HERC1: variants seen among roughly 807,000 people sequenced by gnomAD.
The protein encoded by HERC1 is HECT and RLD domain containing E3 ubiquitin protein ligase family member 1, also known as probable E3 ubiquitin-protein ligase HERC1.
In HERC1, 160 loss-of-function variants were observed where a neutral mutation model predicts 554.3. The ratio of observed to expected loss-of-function variants is 0.29; its 90% CI spans 0.25 to 0.33. The LOEUF (loss-of-function observed/expected upper bound fraction) is 0.33. HERC1 is among the 10% of genes least tolerant of loss of function. The pLI is 1.00. For synonymous variants in HERC1, 2,175 were observed against 2,131.7 expected (o/e 1.02, Z -0.56); for missense variants, 4,919 against 5,918.5 (o/e 0.83, Z 5.54).
intron 1 of HERC1, among the ~76,000 whole-genome samples, chr15:63,785,887 T>C (rs2076424509): frequency 6.6e-6 from 1 of 152,154 alleles, no homozygotes; most frequent in Admixed American, 6.6e-5. Flanking sequence ...TTTTCTTTTT[T>C]AGAGACAGAG....
At chr15:63,732,819 T>G in intron 14 of HERC1, 105 bp downstream of exon 14, 1 of 736,404 alleles carries the variant, frequency 1.4e-6, no homozygotes, top group East Asian at 2.7e-5. Context: ...GGGAGAGGGG[T>G]CTAGAGTTTG....
intron 19 of HERC1, 117 bp downstream of exon 19, chr15:63,723,063 ATC>A (rs1402204103): frequency 2.1e-5 from 12 of 573,670 alleles, no homozygotes; most frequent in African/African-American, 1.2e-4. Context: ...TTAATAAAAT[ATC>A]TTTTTCTATT....
rs547147985 is a variant in HERC1 at position 63,760,290 on chromosome 15, A to T, written c.1027-1921T>A. ...AAAAAGCCATCTTAAATCCCAACTC[A>T]TTCTAAGAGTTCAGGAAAACTAATC... On this transcript the variant is annotated intron_variant, in intron 3 of 77. Coordinates refer to ENST00000443617, the MANE Select transcript of HERC1 (RefSeq NM_003922.4). Among the ~76,000 whole-genome samples the T allele has an allele frequency of 4.6e-5, 7 of 152,260 alleles. No individual in the cohort carries two copies. The East Asian group carries it at 1.4e-3, about 29-fold the overall frequency.
At chr15:63,645,186 G>C in intron 56 of HERC1, 89 bp from the exon 57 acceptor site, 6 of 947,582 alleles carry the variant, frequency 6.3e-6, no homozygotes, top group Non-Finnish European at 1.0e-5. Context: ...AGATCTGATA[G>C]AACCACTGCA....
intron 12 of HERC1, among the ~76,000 whole-genome samples, chr15:63,745,057 GC>G (rs915737222): frequency 1.3e-5 from 2 of 152,194 alleles, no homozygotes; most frequent in African/African-American, 4.8e-5. Flanking sequence ...CTGAGAGCTG[GC>G]ATCTGGAACA....
intron 37 of HERC1, among the ~76,000 whole-genome samples, chr15:63,676,692 G>T (rs1595949648): frequency 6.6e-6 from 1 of 152,302 alleles, no homozygotes; most frequent in East Asian, 1.9e-4. Context: ...GGAGGCAGAA[G>T]TTGCAGTGAG....
At chr15:63,698,650 T>C (rs2072560190) in intron 26 of HERC1, 78 bp downstream of exon 26, 1 of 1,398,614 alleles carries the variant, frequency 7.1e-7, no homozygotes, top group Admixed American at 2.6e-5. Context: ...AAGGAAAGGT[T>C]TTCCCTAGAA....
At chr15:63,634,664 T>G in intron 66 of HERC1, 69 bp downstream of exon 66, 1 of 1,312,428 alleles carries the variant, frequency 7.6e-7, no homozygotes, top group Admixed American at 2.0e-5. Context: ...TTCCTGAGGG[T>G]GTCTAAGCGA....
chr15:63,771,156 T>A (rs935671799), intron 2 of HERC1, among the ~76,000 whole-genome samples: 1 of 150,812 alleles, frequency 6.6e-6, no homozygotes, highest in East Asian at 2.0e-4. Context: ...ACCATTGCAC[T>A]CCAGCCTGGG....
At chr15:63,811,120 C>A (rs1334711869) in intron 1 of HERC1, among the ~76,000 whole-genome samples, 2 of 151,784 alleles carry the variant, frequency 1.3e-5, no homozygotes, top group Non-Finnish European at 2.9e-5. Context: ...CCGAAAAAAA[C>A]AAAAAGCAAC....
intron 10 of HERC1, among the ~76,000 whole-genome samples, chr15:63,748,814 C>A (rs2075145088): frequency 6.6e-6 from 1 of 152,054 alleles, no homozygotes. Flanking sequence ...TCTGAAATAA[C>A]CCAAACATTC....
chr15:63,722,250 A>G (rs993829804), intron 19 of HERC1, among the ~76,000 whole-genome samples: 1 of 152,226 alleles, frequency 6.6e-6, no homozygotes, highest in Non-Finnish European at 1.5e-5. Context: ...ACTTAATAGT[A>G]TATCTTATCT....
At chr15:63,668,520 C>G (rs975045874) in intron 40 of HERC1, among the ~76,000 whole-genome samples, 7 of 152,126 alleles carry the variant, frequency 4.6e-5, no homozygotes, top group African/African-American at 1.7e-4. Context: ...CAAGACCTAA[C>G]TACTACAACA....
chr15:63,620,007 G>C (rs888211433), intron 74 of HERC1, among the ~76,000 whole-genome samples: 6 of 152,102 alleles, frequency 3.9e-5, no homozygotes, highest in Admixed American at 3.3e-4. Context: ...GTTCTGCTCT[G>C]ATCTTAGTTA....
At position 63,714,545 on chromosome 15, in the gene HERC1, G is replaced by GTTTT. The variant is rs773905620; in HGVS notation, c.4151-884_4151-881dup. On this transcript the variant is annotated intron_variant, in intron 22 of 77. Transcript: ENST00000443617. ...GTATTCTTCTTTTTTTCCTTTTTCTGTTTTTTTTTTTTTTTTTTTTTGGAG... is the reference window on the plus strand; with the variant it reads ...GTATTCTTCTTTTTTTCCTTTTTCTGTTTTTTTTTTTTTTTTTTTTTTTTTGGAG... Among the ~76,000 whole-genome samples the GTTTT allele has an allele frequency of 1.3e-3, 121 of 95,790 alleles. 4 individuals carry two copies. Among genetic ancestry groups the GTTTT allele is most frequent in the African/African-American group, 3.3e-3 (85 of 25,508 alleles). 62.8% of individuals were successfully genotyped at this position (95,790 alleles called of 152,430 possible).
rs2076072684 is a variant in HERC1, at chr15:63,774,889, T to C, written c.735A>G (p.Arg245=). The C allele has an allele frequency of 6.2e-7, 1 of 1,613,902 alleles. No homozygotes were observed. The highest frequency in any genetic ancestry group is 1.3e-5 in the African/African-American group (1 of 74,934). The change falls in exon 2 of 78, where the codon AGA becomes AGG. Residue 245 remains arginine (R), a synonymous_variant. Coordinates refer to ENST00000443617, the MANE Select transcript of HERC1 (RefSeq NM_003922.4). ...AACCAAGCAGCAACTCAGAAGCTAA[T>C]CTACGACCTAAAGTGTCTGCCCCAG... is the stretch of plus-strand genomic sequence containing the variant. ...PNSGADTLGR[R]LASELLLGLA...
chr15:63,764,169 T>C lies in HERC1; in HGVS notation c.953A>G (p.Gln318Arg). ...RSLGSSADRS[Q>R]WREPTRTSDG... ...CGATGTTCTGGTTGGTTCTCTCCAC[T>C]GACTCCGATCAGCAGATGAACCCTA... Residue 318 changes from glutamine (Q) to arginine (R), a missense_variant, in exon 3 of 78, where the codon CAG becomes CGG. This residue lies in a region of HERC1 where 744 missense variants were observed against 1,090.0 expected (regional missense o/e 0.68). Transcript: ENST00000443617. 1 of 1,610,256 alleles carries C rather than the reference T, an allele frequency of 6.2e-7. No individual in the cohort carries two copies.
chr15:63,683,902 T>G (rs550460621), intron 34 of HERC1, among the ~76,000 whole-genome samples: 5 of 152,356 alleles, frequency 3.3e-5, no homozygotes, highest in Middle Eastern at 3.4e-3. Flanking sequence ...GACTATAAGC[T>G]AAAACCTGAC....
At chr15:63,774,151 A>C (rs1478480340) in intron 2 of HERC1, among the ~76,000 whole-genome samples, 1 of 152,122 alleles carries the variant, frequency 6.6e-6, no homozygotes, top group Non-Finnish European at 1.5e-5. Flanking sequence ...TAAGTCTACC[A>C]GTCTCTATTC....
Sources: allele counts gnomAD v4.1 joint callset (sites outside exome capture counted in the v4.1 genomes callset), GRCh38; gene constraint gnomAD v4.1.1; regional missense constraint gnomAD v4.1.1; transcripts MANE v1.5; gene names NCBI Gene and HGNC (gene_info 2026-07-23, HGNC 2026-07-21).